Variants in SLC4A5 observed in about 807,000 individuals in gnomAD.
SLC4A5 encodes solute carrier family 4 member 5.
SLC4A5 carries 96 observed loss-of-function variants against 120.4 expected under a neutral mutation model. The observed-to-expected ratio is 0.80, with a 90% CI of 0.68 to 0.94. The LOEUF (loss-of-function observed/expected upper bound fraction) is 0.94. Ranked by LOEUF, SLC4A5 falls within the 40% of genes least tolerant of loss-of-function variation. SLC4A5 has a pLI of 0.00. For missense variants in SLC4A5, 1,259 were observed against 1,459.5 expected, an observed-to-expected ratio of 0.86 and a Z score of 2.24; for synonymous variants, 550 against 571.1, an observed-to-expected ratio of 0.96 and a Z score of 0.53.
chr2:74,263,833 C>A (rs539633878), intron 10 of SLC4A5, among the ~76,000 whole-genome samples: 1 of 152,320 alleles, frequency 6.6e-6, no homozygotes, highest in South Asian at 2.1e-4. Context: ...GGCCATACCC[C>A]AGAACAATTG....
At chr2:74,276,913 C>T (rs1671660430) in intron 8 of SLC4A5, among the ~76,000 whole-genome samples, 1 of 151,870 alleles carries the variant, frequency 6.6e-6, no homozygotes, top group Non-Finnish European at 1.5e-5. Flanking sequence ...AAGGCAGGGA[C>T]AAGCAGAAGA....
At chr2:74,265,863 TA>T (rs1353848987) in intron 8 of SLC4A5, among the ~76,000 whole-genome samples, 2 of 152,164 alleles carry the variant, frequency 1.3e-5, no homozygotes, top group Non-Finnish European at 2.9e-5. Flanking sequence ...CAAGGATGTG[TA>T]GGGATCTGTC....
At chr2:74,256,795 G>A (rs1485947868) in intron 12 of SLC4A5, among the ~76,000 whole-genome samples, 1 of 152,136 alleles carries the variant, frequency 6.6e-6, no homozygotes, top group African/African-American at 2.4e-5. Context: ...CTTTCCCTCT[G>A]GGCAGCAAGG....
At position 74,290,608 on chromosome 2, in the gene SLC4A5, G is replaced by A. The variant is rs952779018; in HGVS notation, c.272-4706C>T. ...GATCTGAGAGAGAGAGAGACAGAGA[G>A]AGAGACAGAGAAGTGAGAGAGAGAG... On this transcript the variant is annotated intron_variant, in intron 7 of 30. Coordinates refer to ENST00000394019, the Ensembl canonical transcript of SLC4A5. 6 of 973,744 alleles carry A rather than the reference G, an allele frequency of 6.2e-6. No individual in the cohort carries two copies. The Admixed American group carries it at 3.3e-4, about 54-fold the overall frequency. The allele number at this position is 973,744 out of a possible 1,614,324, so 60.3% of individuals were successfully genotyped here.
chr2:74,303,804 T>C (rs1283420410), intron 7 of SLC4A5, among the ~76,000 whole-genome samples: 6 of 152,076 alleles, frequency 3.9e-5, no homozygotes. Context: ...GAACTTCAAT[T>C]TACTGAGCAC....
intron 30 of SLC4A5, among the ~76,000 whole-genome samples, chr2:74,220,671 C>T (rs1248994912): frequency 1.5e-4 from 22 of 151,158 alleles, no homozygotes; most frequent in Non-Finnish European, 2.2e-4. Context: ...CGCCCACCAC[C>T]ATGCCCGGCT....
chr2:74,298,648 G>C (rs1392571883), intron 7 of SLC4A5, among the ~76,000 whole-genome samples: 3 of 152,054 alleles, frequency 2.0e-5, no homozygotes, highest in African/African-American at 7.3e-5. Context: ...CCACAGAATG[G>C]GAGAAAAGAT....
chr2:74,300,609 C>G (rs1218787232), intron 7 of SLC4A5, among the ~76,000 whole-genome samples: 3 of 152,170 alleles, frequency 2.0e-5, no homozygotes, highest in African/African-American at 7.2e-5. Flanking sequence ...TGTGCTGCCC[C>G]CTCTGCCACC....
intron 21 of SLC4A5, among the ~76,000 whole-genome samples, chr2:74,237,829 C>T (rs1351589753): frequency 9.9e-5 from 15 of 152,110 alleles, no homozygotes; most frequent in African/African-American, 1.4e-4. Context: ...GGGCTGGGTG[C>T]GGTGGCTCAC....
intron 16 of SLC4A5, among the ~76,000 whole-genome samples, chr2:74,251,623 C>T (rs939957588): frequency 3.9e-5 from 6 of 152,236 alleles, no homozygotes; most frequent in African/African-American, 1.4e-4. Flanking sequence ...ATGGTGGGCC[C>T]TATTCCAACA....
chr2:74,284,644 T>C (rs536989020), intron 8 of SLC4A5, among the ~76,000 whole-genome samples: 57 of 152,154 alleles, frequency 3.7e-4, no homozygotes, highest in Non-Finnish European at 6.9e-4. Context: ...CCTCTTACCA[T>C]AGCCTTCCTT....
chr2:74,266,625 A>C (rs1671311816), intron 8 of SLC4A5, among the ~76,000 whole-genome samples: 1 of 152,224 alleles, frequency 6.6e-6, no homozygotes, highest in East Asian at 1.9e-4. Flanking sequence ...CTAAAAATAG[A>C]AAGTTAAATC....
chr2:74,293,235 G>A (rs983395241), intron 7 of SLC4A5, among the ~76,000 whole-genome samples: 9 of 152,280 alleles, frequency 5.9e-5, no homozygotes, highest in African/African-American at 1.9e-4. Flanking sequence ...TTTCTAGAAG[G>A]CTGTATACAA....
chr2:74,329,613 AAAC>A (rs1673301008), intron 4 of SLC4A5, among the ~76,000 whole-genome samples: 1 of 151,416 alleles, frequency 6.6e-6, no homozygotes, highest in Non-Finnish European at 1.5e-5. Flanking sequence ...ACAAACAAAC[AAAC>A]ATGGTGAGGT....
At chr2:74,239,103 A>T (rs543780742) in intron 21 of SLC4A5, among the ~76,000 whole-genome samples, 19 of 152,358 alleles carry the variant, frequency 1.2e-4, no homozygotes, top group African/African-American at 4.1e-4. Flanking sequence ...AAATTTAAAA[A>T]ACACAATGAG....
chr2:74,231,290 G>C (rs1670072448), exon 25 of SLC4A5: 1 of 1,612,360 alleles, frequency 6.2e-7, no homozygotes, highest in Non-Finnish European at 8.5e-7. Flanking sequence ...AGACGATGAT[G>C]CCGGTTACTC....
At chr2:74,252,441 T>A in intron 15 of SLC4A5, 53 bp from the exon 16 acceptor site, 1 of 1,562,964 alleles carries the variant, frequency 6.4e-7, no homozygotes. Context: ...ACCCCTCACC[T>A]CTCCAACCAA....
intron 4 of SLC4A5, among the ~76,000 whole-genome samples, chr2:74,328,555 G>C (rs1673272951): frequency 6.6e-6 from 1 of 152,142 alleles, no homozygotes; most frequent in Non-Finnish European, 1.5e-5. Flanking sequence ...AGAGCTGGAA[G>C]AGAACTTGAA....
chr2:74,299,848 C>A (rs1672427099), intron 7 of SLC4A5, among the ~76,000 whole-genome samples: 1 of 152,126 alleles, frequency 6.6e-6, no homozygotes, highest in Admixed American at 6.5e-5. Flanking sequence ...AGTATATGAT[C>A]CAACAACCCC....
Sources: gnomAD v4.1 joint callset for allele counts (sites outside exome capture counted in the v4.1 genomes callset) on GRCh38, gnomAD v4.1.1 for gene constraint, MANE v1.5 for transcripts, NCBI Gene and HGNC (gene_info 2026-07-23, HGNC 2026-07-21) for gene names.